The following SLC25A3 variants were observed in gnomAD, a reference collection of about 807,000 sequenced individuals.
SLC25A3 encodes the protein solute carrier family 25 member 3.
SLC25A3 carries 14 observed loss-of-function variants against 37.1 expected under a neutral mutation model. That is an observed-to-expected ratio of 0.38 (90% confidence interval 0.25 to 0.59). SLC25A3 has a LOEUF of 0.59. Ranked by LOEUF, SLC25A3 falls within the 20% of genes least tolerant of loss-of-function variation. The probability of loss-of-function intolerance (pLI) is 0.67; values close to 1 mark genes in which losing one functional copy is unlikely to be tolerated. For missense variants in SLC25A3, 385 were observed against 458.1 expected (o/e 0.84, Z 1.46); for synonymous variants, 161 against 168.7 (o/e 0.95, Z 0.36).
chr12:98,595,303 C>T (rs755666364), intron 2 of SLC25A3: 2 of 946,162 alleles, frequency 2.1e-6, no homozygotes, highest in Non-Finnish European at 3.3e-6. Flanking sequence ...TTTTTTAAGC[C>T]ACTTAATTGT....
chr12:98,601,604 T>C lies in SLC25A3; in HGVS notation c.*76T>C. 1 of 938,946 alleles carries C rather than the reference T, an allele frequency of 1.1e-6. No homozygotes were observed. The allele number at this position is 938,946 out of a possible 1,614,324, so 58.2% of individuals were successfully genotyped here. A position where few individuals can be genotyped will look rare whatever the true frequency, so the allele number is the denominator to read the frequency against. On this transcript the variant is annotated 3_prime_UTR_variant, in exon 8 of 8. Transcript: ENST00000552981. ...AAAGTGCAAAAGGAACTTTTATATATTTGACAGTGTAGGAAATTGTCTATT... is the reference window on the plus strand; with the variant it reads ...AAAGTGCAAAAGGAACTTTTATATACTTGACAGTGTAGGAAATTGTCTATT...
Position 98,600,274 on chromosome 12 carries a change from G to T in SLC25A3, c.814+147G>T. 6.0e-6 allele frequency: 4 copies of T among 672,048 alleles called. No individual in the cohort carries two copies. In the South Asian group the frequency reaches 6.4e-5, roughly 11 times the overall value. 41.6% of individuals were successfully genotyped at this position (672,048 alleles called of 1,614,324 possible). A position where few individuals can be genotyped will look rare whatever the true frequency, so the allele number is the denominator to read the frequency against. ...TTTCCCTGAGGCATAGTCTCGCTCT[G>T]TTGCCCAGGCTGGAGTGCAGTGGCA... is the stretch of plus-strand genomic sequence containing the variant. On this transcript the variant is annotated intron_variant, in intron 6 of 7. Coordinates refer to ENST00000552981, the MANE Select transcript of SLC25A3 (RefSeq NM_002635.4).
In SLC25A3 at chr12:98,594,153, C is replaced by T. The variant is rs888902564; in HGVS notation, c.157+18C>T. ...CGTGGAAGGTGAGATCAGACCCTGC[C>T]CAATACAGTCGTGTGGTCTACTTGT... is the stretch of plus-strand genomic sequence containing the variant. On this transcript the variant is annotated intron_variant, in intron 2 of 7. Coordinates refer to ENST00000552981, the MANE Select transcript of SLC25A3 (RefSeq NM_002635.4). 3.1e-6 allele frequency: 5 copies of T among 1,593,402 alleles called. No homozygotes were observed. Among genetic ancestry groups the T allele is most frequent in the South Asian group, 2.2e-5 (2 of 89,702 alleles).
At chr12:98,594,537 A>G (rs917902366) in intron 2 of SLC25A3, 1 of 596,516 alleles carries the variant, frequency 1.7e-6, no homozygotes, top group Admixed American at 2.9e-5. Flanking sequence ...TTTCTTAAAA[A>G]TAGTCCTTTC....
chr12:98,598,864 C>T (rs1315576146), intron 5 of SLC25A3, among the ~76,000 whole-genome samples, 161 bp downstream of exon 5: 1 of 151,898 alleles, frequency 6.6e-6, no homozygotes, highest in Non-Finnish European at 1.5e-5. Flanking sequence ...CAAGCTCCGC[C>T]TCCCGGGTTC....
rs1458837285 is a variant in SLC25A3, at chr12:98,602,606, A to G, written c.*1078A>G. The G allele has an allele frequency of 6.6e-6, 1 of 152,204 alleles. No individual in the cohort carries two copies. Among genetic ancestry groups the G allele is most frequent in the Non-Finnish European group, 1.5e-5 (1 of 68,044 alleles). The allele number at this position is 152,204 out of a possible 1,614,324, so 9.4% of individuals were successfully genotyped here. The stretch of plus-strand genomic sequence containing the variant: ...GAGATTGGATTGTAGGTTTAAGCCC[A>G]TTTTTAAAGAGCTCCTAGAAAGTGA... On this transcript the variant is annotated 3_prime_UTR_variant, in exon 8 of 8. Transcript: ENST00000552981.
intron 3 of SLC25A3, among the ~76,000 whole-genome samples, chr12:98,597,207 C>T (rs939321374): frequency 6.6e-6 from 1 of 152,082 alleles, no homozygotes; most frequent in Non-Finnish European, 1.5e-5. Flanking sequence ...TTAGGTTTGA[C>T]ACAGAAAGCT....
chr12:98,601,127 T>C (rs1228859205), intron 6 of SLC25A3, 44 bp from the exon 7 acceptor site: 2 of 1,601,322 alleles, frequency 1.2e-6, no homozygotes, highest in African/African-American at 1.3e-5. Context: ...CTGTGAAGTT[T>C]TGTTTTTAAC....
chr12:98,594,158 ACAGTCGT>A, intron 2 of SLC25A3, 23 bp downstream of exon 2: 1 of 1,586,944 alleles, frequency 6.3e-7, no homozygotes, highest in Non-Finnish European at 8.6e-7. Context: ...CCTGCCCAAT[ACAGTCGT>A]GTGGTCTACT....
At chr12:98,596,928 A>G (rs368695296) in intron 3 of SLC25A3, among the ~76,000 whole-genome samples, 1 of 152,160 alleles carries the variant, frequency 6.6e-6, no homozygotes, top group African/African-American at 2.4e-5. Context: ...CTGAGGCAGG[A>G]GAATCGCTTG....
At position 98,600,124 on chromosome 12, in the gene SLC25A3, A is replaced by G. The variant is rs754140239; in HGVS notation, c.811A>G (p.Ile271Val). ...GGTTGTAACATTTGTAGCAGGTTAC[A>G]TAGGTACGAATTACTTAGAACACAC... Reference protein sequence around the residue: ...QLVVTFVAGYIAGVFCAIVSH... With the variant: ...QLVVTFVAGYVAGVFCAIVSH... The change falls in exon 6 of 8, where the codon ATA (isoleucine) becomes GTA (valine). Residue 271 changes from isoleucine to valine, a missense_variant. Transcript: ENST00000552981. The G allele has an allele frequency of 1.9e-6, 3 of 1,575,000 alleles. No individual in the cohort carries two copies. Among genetic ancestry groups the G allele is most frequent in the East Asian group, 2.2e-5 (1 of 44,720 alleles).
chr12:98,598,769 G>GT (rs982573378), intron 5 of SLC25A3, 66 bp downstream of exon 5: 119,489 of 917,060 alleles, frequency 0.13, 1 homozygote, highest in South Asian at 0.17. Flanking sequence ...ATTTTTTTTT[G>GT]TTTTTTTTTT....
In SLC25A3 at chr12:98,593,738, G is replaced by A. The variant is rs549237503; in HGVS notation, c.-7G>A. 6.7e-6 allele frequency: 4 copies of A among 595,956 alleles called. No individual in the cohort carries two copies. The highest frequency in any genetic ancestry group is 5.9e-5 in the South Asian group (3 of 50,818). The allele number at this position is 595,956 out of a possible 1,614,324, so 36.9% of individuals were successfully genotyped here. A position where few individuals can be genotyped will look rare whatever the true frequency, so the allele number is the denominator to read the frequency against. On this transcript the variant is annotated splice_region_variant and 5_prime_UTR_variant, in exon 1 of 8. Transcript: ENST00000552981. ...AGTGGTTGTGTGATCGCCATCTTAGGGAGTGAGTGTGGCCGGGCCTTCTCC... is the reference window on the plus strand; with the variant it reads ...AGTGGTTGTGTGATCGCCATCTTAGAGAGTGAGTGTGGCCGGGCCTTCTCC...
At chr12:98,594,359 C>A (rs11109540) in intron 2 of SLC25A3, 1 of 702,314 alleles carries the variant, frequency 1.4e-6, no homozygotes, top group Non-Finnish European at 2.6e-6. Flanking sequence ...GCCCTGTGTC[C>A]CTTCGTGACC....
chr12:98,596,566 T>C (rs943530222), intron 3 of SLC25A3, among the ~76,000 whole-genome samples: 6 of 152,198 alleles, frequency 3.9e-5, no homozygotes, highest in African/African-American at 1.4e-4. Flanking sequence ...GTGTTATGCA[T>C]GTCTCTTGAA....
intron 3 of SLC25A3, among the ~76,000 whole-genome samples, chr12:98,596,903 C>T (rs964230707): frequency 3.3e-5 from 5 of 152,076 alleles, no homozygotes; most frequent in Admixed American, 1.3e-4. Flanking sequence ...CCTGTAGTCG[C>T]AGCTACTCGG....
chr12:98,593,864 C>G (rs1173424412), intron 1 of SLC25A3, 111 bp from the exon 2 acceptor site: 35 of 1,282,910 alleles, frequency 2.7e-5, no homozygotes, highest in Non-Finnish European at 3.9e-5. Context: ...GCCGTGACCT[C>G]TTCAAGGGCG....
chr12:98,598,137 G>C, intron 4 of SLC25A3, 102 bp downstream of exon 4: 1 of 1,186,564 alleles, frequency 8.4e-7, no homozygotes, highest in Non-Finnish European at 1.2e-6. Flanking sequence ...TGAAGAAAAT[G>C]GTCCTACAAA....
rs2097594421 is a variant in SLC25A3, at chr12:98,597,999, A to G, written c.423A>G (p.Glu141=). 3 of 1,613,708 alleles carry G rather than the reference A, an allele frequency of 1.9e-6. No homozygotes were observed. The highest frequency in any genetic ancestry group is 2.5e-6 in the Non-Finnish European group (3 of 1,179,628). Residue 141 remains glutamate (E), a synonymous_variant, in exon 4 of 8, where the codon GAA becomes GAG. Transcript: ENST00000552981. ...MQGLCKFGFY[E]VFKVLYSNML... is the part of the protein sequence containing the mutation. ...GACTCTGCAAGTTTGGCTTTTATGAAGTCTTTAAAGTCTTGTATAGCAATA... is the reference window on the plus strand; with the variant it reads ...GACTCTGCAAGTTTGGCTTTTATGAGGTCTTTAAAGTCTTGTATAGCAATA...
Sources: allele counts gnomAD v4.1 joint callset (sites outside exome capture counted in the v4.1 genomes callset), GRCh38; gene constraint gnomAD v4.1.1; transcripts MANE v1.5; gene names NCBI Gene and HGNC (gene_info 2026-07-23, HGNC 2026-07-21).